ADGRL3: variants seen among roughly 807,000 people sequenced by gnomAD.
The protein encoded by ADGRL3 is calcium-independent alpha-latrotoxin receptor 3.
ADGRL3 carries 62 observed loss-of-function variants against 153.5 expected under a neutral mutation model. The ratio of observed to expected loss-of-function variants is 0.40; its 90% CI spans 0.33 to 0.50. The LOEUF (loss-of-function observed/expected upper bound fraction) is 0.50. ADGRL3 is among the 20% of genes least tolerant of loss of function. ADGRL3 has a pLI of 0.47. For missense variants in ADGRL3, 1,641 were observed against 1,859.4 expected, an observed-to-expected ratio of 0.88 and a Z score of 2.16; for synonymous variants, 710 against 672.5, an observed-to-expected ratio of 1.06 and a Z score of -0.86.
intron 2 of ADGRL3, among the ~76,000 whole-genome samples, chr4:61,451,214 C>T (rs1050735185): frequency 6.6e-6 from 1 of 151,912 alleles, no homozygotes; most frequent in African/African-American, 2.4e-5. Flanking sequence ...AGAGTTTGGA[C>T]TATGTAAGAA....
intron 1 of ADGRL3, among the ~76,000 whole-genome samples, chr4:61,207,078 T>G (rs2148783826): frequency 6.6e-6 from 1 of 152,220 alleles, no homozygotes; most frequent in South Asian, 2.1e-4. Flanking sequence ...ACTTTTAAAT[T>G]CTGGAATACA....
intron 2 of ADGRL3, among the ~76,000 whole-genome samples, chr4:61,396,987 A>G (rs779371683): frequency 2.9e-4 from 44 of 150,748 alleles, no homozygotes; most frequent in Non-Finnish European, 5.9e-4. Flanking sequence ...GCTGAATGAG[A>G]CTTTGGTTCA....
At position 61,532,531 on chromosome 4, in the gene ADGRL3, TGCGCGC is replaced by T. The variant is rs35405501; in HGVS notation, c.259+15033_259+15038del. On this transcript the variant is annotated intron_variant, in intron 4 of 26. Transcript: ENST00000683033. ...AGTCTTGTTTCTGCAGGATGCTGCA[TGCGCGC>T]GCGCGCGCGCGCGCGCGCGTGTGTG... Among the ~76,000 whole-genome samples the T allele has an allele frequency of 5.8e-3, 825 of 141,282 alleles. 7 individuals are homozygous for T. The highest frequency in any genetic ancestry group is 0.016 in the African/African-American group (606 of 38,212). 92.7% of individuals were successfully genotyped at this position (141,282 alleles called of 152,430 possible).
intron 17 of ADGRL3, among the ~76,000 whole-genome samples, chr4:61,956,856 G>T (rs186274136): frequency 6.6e-6 from 1 of 152,186 alleles, no homozygotes; most frequent in Admixed American, 6.5e-5. Context: ...TAGATGTGTG[G>T]TGTTATTTCT....
intron 13 of ADGRL3, among the ~76,000 whole-genome samples, chr4:61,926,847 T>A (rs982397125): frequency 4.6e-5 from 7 of 152,192 alleles, no homozygotes; most frequent in African/African-American, 1.7e-4. Flanking sequence ...CACTTACCAA[T>A]CTTGCCACTG....
At chr4:61,742,706 C>T (rs548299136) in intron 8 of ADGRL3, among the ~76,000 whole-genome samples, 11 of 152,126 alleles carry the variant, frequency 7.2e-5, no homozygotes, top group East Asian at 5.8e-4. Context: ...GCTAAATTAT[C>T]GGATAATAAT....
At chr4:61,542,218 T>A (rs1362574205) in intron 4 of ADGRL3, among the ~76,000 whole-genome samples, 6 of 152,156 alleles carry the variant, frequency 3.9e-5, no homozygotes, top group African/African-American at 1.4e-4. Context: ...CCTAGAGGTT[T>A]TATGTAACTT....
intron 5 of ADGRL3, among the ~76,000 whole-genome samples, chr4:61,627,906 G>C (rs899438819): frequency 6.6e-6 from 1 of 152,094 alleles, no homozygotes; most frequent in Non-Finnish European, 1.5e-5. Flanking sequence ...GGGTGGGCTA[G>C]GGGATTGAGG....
intron 21 of ADGRL3, among the ~76,000 whole-genome samples, chr4:62,026,899 A>G (rs1365584027): frequency 6.6e-6 from 1 of 152,102 alleles, no homozygotes; most frequent in Non-Finnish European, 1.5e-5. Context: ...ATCTACATGT[A>G]TCCCATAGCA....
chr4:61,986,135 A>C lies in ADGRL3; in HGVS notation c.3236+2532A>C, dbSNP rs1381420865. ...AATTTTAGAATATTTTCATCGAAAC[A>C]AAAAAGAAACCCCTAGCAGTCATTT... On this transcript the variant is annotated intron_variant, in intron 19 of 26. Coordinates refer to ENST00000683033, the MANE Select transcript of ADGRL3 (RefSeq NM_001387552.1). 2.0e-5 allele frequency among the ~76,000 whole-genome samples: 3 copies of C among 152,076 alleles called. No individual in the cohort carries two copies. The East Asian group carries it at 5.8e-4, about 29-fold the overall frequency.
At chr4:61,919,375 A>G (rs978241416) in intron 13 of ADGRL3, among the ~76,000 whole-genome samples, 3 of 152,180 alleles carry the variant, frequency 2.0e-5, no homozygotes, top group Admixed American at 6.5e-5. Flanking sequence ...AATATATTTC[A>G]CAGCTTGATA....
chr4:61,835,976 C>G (rs1201310571), intron 9 of ADGRL3, among the ~76,000 whole-genome samples: 1 of 152,062 alleles, frequency 6.6e-6, no homozygotes, highest in Admixed American at 6.6e-5. Context: ...CCTCAAAATT[C>G]CTGTCCTCCA....
intron 1 of ADGRL3, among the ~76,000 whole-genome samples, chr4:61,249,581 T>C (rs192706119): frequency 1.2e-4 from 19 of 152,208 alleles, no homozygotes; most frequent in Admixed American, 3.3e-4. Context: ...ACAAAAGGAA[T>C]GCATTTTCCA....
intron 5 of ADGRL3, among the ~76,000 whole-genome samples, chr4:61,628,758 G>A (rs2092982819): frequency 6.6e-6 from 1 of 152,098 alleles, no homozygotes; most frequent in African/African-American, 2.4e-5. Context: ...TAAAGATGGT[G>A]GGAACTGCTT....
intron 1 of ADGRL3, among the ~76,000 whole-genome samples, chr4:61,223,830 G>C (rs1746724742): frequency 6.6e-6 from 1 of 152,146 alleles, no homozygotes; most frequent in African/African-American, 2.4e-5. Flanking sequence ...ACAGATCCCA[G>C]ACTTCAAGTG....
chr4:61,988,871 C>T (rs539856362), intron 19 of ADGRL3, among the ~76,000 whole-genome samples: 3 of 152,180 alleles, frequency 2.0e-5, no homozygotes, highest in Admixed American at 6.5e-5. Context: ...AAGTCATGAA[C>T]ATTTATAATT....
intron 1 of ADGRL3, among the ~76,000 whole-genome samples, chr4:61,316,170 G>A (rs1301174975): frequency 6.6e-6 from 1 of 152,140 alleles, no homozygotes; most frequent in Admixed American, 6.6e-5. Flanking sequence ...GGTAGGCTCT[G>A]TTAAAAAAAT....
chr4:61,868,280 C>T (rs1377350979), intron 9 of ADGRL3, among the ~76,000 whole-genome samples: 2 of 152,028 alleles, frequency 1.3e-5, no homozygotes, highest in African/African-American at 4.8e-5. Context: ...CCATTTCTCT[C>T]CCCATAGATC....
intron 5 of ADGRL3, among the ~76,000 whole-genome samples, chr4:61,598,217 G>A (rs959485962): frequency 4.6e-5 from 7 of 151,994 alleles, no homozygotes; most frequent in Non-Finnish European, 8.8e-5. Context: ...TCATGGAAAG[G>A]CATAGAATTG....
Sources: allele counts gnomAD v4.1 joint callset (sites outside exome capture counted in the v4.1 genomes callset), GRCh38; gene constraint gnomAD v4.1.1; transcripts MANE v1.5; gene names NCBI Gene and HGNC (gene_info 2026-07-23, HGNC 2026-07-21).